SHANK2: variants seen among roughly 807,000 people sequenced by gnomAD.
The protein encoded by SHANK2 is SH3 and multiple ankyrin repeat domains protein 2.
A neutral mutation model predicts 133.7 loss-of-function variants in SHANK2; 43 were observed. The observed-to-expected ratio is 0.32, with a 90% confidence interval of 0.25 to 0.41. The LOEUF is 0.41. Ranked by LOEUF, SHANK2 falls within the 10% of genes least tolerant of loss-of-function variation. SHANK2 has a pLI of 1.00. For missense variants in SHANK2, 1,994 were observed against 2,235.8 expected, an observed-to-expected ratio of 0.89 and a Z score of 2.18; for synonymous variants, 1,017 against 952.8, an observed-to-expected ratio of 1.07 and a Z score of -1.24.
At chr11:70,566,796 A>G (rs898445427) in intron 17 of SHANK2, among the ~76,000 whole-genome samples, 2 of 152,202 alleles carry the variant, frequency 1.3e-5, no homozygotes, top group Non-Finnish European at 2.9e-5. Context: ...CATCATAACC[A>G]CTTAGCAATC....
chr11:70,571,067 C>A (rs989171610), intron 17 of SHANK2, among the ~76,000 whole-genome samples: 3 of 152,136 alleles, frequency 2.0e-5, no homozygotes, highest in Non-Finnish European at 4.4e-5. Flanking sequence ...GTCCTGGAGG[C>A]GGATTCTAGG....
chr11:70,586,553 C>T (rs534737970), intron 17 of SHANK2, among the ~76,000 whole-genome samples: 11 of 152,318 alleles, frequency 7.2e-5, no homozygotes, highest in East Asian at 3.9e-4. Context: ...AAGCTAACTC[C>T]GAGGCGGCCC....
chr11:70,846,584 A>G (rs868935388), intron 11 of SHANK2, among the ~76,000 whole-genome samples: 32 of 152,274 alleles, frequency 2.1e-4, no homozygotes, highest in Admixed American at 1.6e-3. Flanking sequence ...CAAGGATGAC[A>G]CTGGGAAGCA....
intron 2 of SHANK2, among the ~76,000 whole-genome samples, chr11:71,198,231 G>A (rs1953947786): frequency 1.3e-5 from 2 of 152,226 alleles, no homozygotes; most frequent in East Asian, 3.9e-4. Context: ...CTGCAGACAT[G>A]AGCCACTGTA....
chr11:70,713,357 TAAG>T (rs1303569770), intron 14 of SHANK2, among the ~76,000 whole-genome samples: 1 of 152,262 alleles, frequency 6.6e-6, no homozygotes, highest in Middle Eastern at 3.2e-3. Flanking sequence ...TGAAGCACCT[TAAG>T]AAGAACACGG....
In SHANK2 at chr11:70,659,920, G is replaced by A. The variant is rs1555012816; in HGVS notation, c.1969C>T (p.Pro657Ser). ...DTPIEEFTPT[P>S]AFPALQYLES... ...AGGTACTGTAGGGCTGGGAAAGCCGGTGTTGGTGTGAATTCTTCAATGGGT... is the reference window on the plus strand; with the variant it reads ...AGGTACTGTAGGGCTGGGAAAGCCGATGTTGGTGTGAATTCTTCAATGGGT... The change falls in exon 17 of 26, where the codon CCG becomes TCG. Residue 657 changes from proline to serine, a missense_variant. Physicochemically the swap from Pro to Ser is moderately conservative, Grantham distance 74. Around this residue, in one of 5 missense-constraint regions of SHANK2, gnomAD observed 488 missense variants for 642.6 expected, o/e 0.76. Transcript: ENST00000601538. 3.7e-6 allele frequency: 6 copies of A among 1,614,096 alleles called. No individual in the cohort carries two copies. In the African/African-American group the frequency reaches 8.0e-5, roughly 22 times the overall value.
At position 70,684,550 on chromosome 11, in the gene SHANK2, A is replaced by T. The variant is rs147175198; in HGVS notation, c.1853+14138T>A. Among the ~76,000 whole-genome samples the T allele has an allele frequency of 5.7e-3, 872 of 151,982 alleles. 7 individuals are homozygous for T. Among genetic ancestry groups the T allele is most frequent in the African/African-American group, 0.02 (830 of 41,428 alleles). On this transcript the variant is annotated intron_variant, in intron 15 of 25. Transcript: ENST00000601538. ...GCTCCAGCCTGGGCGACAGAGGGAA[A>T]CCCTGTCTCTTAGCCCCCTACCCCC...
At chr11:70,883,674 C>T (rs2135589413) in intron 11 of SHANK2, among the ~76,000 whole-genome samples, 1 of 152,294 alleles carries the variant, frequency 6.6e-6, no homozygotes, top group East Asian at 1.9e-4. Context: ...CCGGGAAAGC[C>T]CCCAGGGTGC....
At chr11:70,894,280 C>T (rs1485584000) in intron 11 of SHANK2, among the ~76,000 whole-genome samples, 12 of 152,012 alleles carry the variant, frequency 7.9e-5, no homozygotes, top group African/African-American at 2.4e-4. Context: ...CTCTGCCTCC[C>T]GGGTTCAAGC....
Position 71,233,545 on chromosome 11 carries a change from G to A in SHANK2, c.-112-8749C>T, listed in dbSNP as rs565429015. On this transcript the variant is annotated intron_variant, in intron 1 of 25. Coordinates refer to ENST00000601538, the MANE Select transcript of SHANK2 (RefSeq NM_012309.5). Reference sequence around the variant, plus strand: ...GGGGGAATAAACATGTTCCTAAATCGACTCCGATGGTTGCACAATCTCCCT... The same window carrying A: ...GGGGGAATAAACATGTTCCTAAATCAACTCCGATGGTTGCACAATCTCCCT... Among the ~76,000 whole-genome samples, 4 of 152,258 alleles carry A rather than the reference G, an allele frequency of 2.6e-5. No individual in the cohort carries two copies. In the East Asian group the frequency reaches 5.8e-4, roughly 22 times the overall value.
At chr11:70,746,203 C>A (rs1006273949) in intron 14 of SHANK2, among the ~76,000 whole-genome samples, 1 of 152,236 alleles carries the variant, frequency 6.6e-6, no homozygotes, top group Non-Finnish European at 1.5e-5. Flanking sequence ...GGCTGGGTAG[C>A]GTGCCCAGCC....
chr11:71,084,347 G>A (rs1951348923), intron 8 of SHANK2, among the ~76,000 whole-genome samples: 1 of 152,184 alleles, frequency 6.6e-6, no homozygotes, highest in Non-Finnish European at 1.5e-5. Context: ...CTGTGGGGAT[G>A]GGGCATATCC....
intron 17 of SHANK2, among the ~76,000 whole-genome samples, chr11:70,559,747 C>T (rs1239046270): frequency 1.3e-5 from 2 of 152,124 alleles, no homozygotes; most frequent in Non-Finnish European, 2.9e-5. Flanking sequence ...GAAGACGGTG[C>T]GCCCTGCCCA....
chr11:71,086,670 C>A lies in SHANK2; in HGVS notation c.912+5752G>T, dbSNP rs1339086136. Among the ~76,000 whole-genome samples, 7 of 151,444 alleles carry A rather than the reference C, an allele frequency of 4.6e-5. No individual in the cohort carries two copies. In the East Asian group the frequency reaches 1.4e-3, roughly 29 times the overall value. The stretch of plus-strand genomic sequence containing the variant: ...GAGGTCCCCTGAGAAGGATGAGATC[C>A]TGCTAGAGATGGACTTGAGACCCGC... On this transcript the variant is annotated intron_variant, in intron 8 of 25. Coordinates refer to ENST00000601538, the MANE Select transcript of SHANK2 (RefSeq NM_012309.5).
At chr11:70,505,201 C>T (rs144985292) in intron 17 of SHANK2, among the ~76,000 whole-genome samples, 70 of 152,164 alleles carry the variant, frequency 4.6e-4, no homozygotes, top group African/African-American at 1.3e-3. Flanking sequence ...GGCAAGGAAG[C>T]GGTAGGCAGG....
At chr11:70,952,783 T>TCGCCACG (rs1342347473) in intron 10 of SHANK2, 1 of 456,762 alleles carries the variant, frequency 2.2e-6, no homozygotes, top group Non-Finnish European at 4.6e-6. Context: ...GTGTGGGAAC[T>TCGCCACG]GACACCCACC....
chr11:71,220,969 GGC>G (rs1954524259), intron 2 of SHANK2, among the ~76,000 whole-genome samples: 2 of 152,162 alleles, frequency 1.3e-5, no homozygotes, highest in African/African-American at 4.8e-5. Context: ...GGGAGGCTGA[GGC>G]AGGTGGATCA....
chr11:71,166,794 T>C (rs1555110954), intron 2 of SHANK2, among the ~76,000 whole-genome samples: 1 of 151,504 alleles, frequency 6.6e-6, no homozygotes, highest in Non-Finnish European at 1.5e-5. Context: ...ACACTTCTTT[T>C]TTTTTTTTTT....
At chr11:70,919,406 G>A (rs1355204266) in intron 10 of SHANK2, among the ~76,000 whole-genome samples, 16 of 149,494 alleles carry the variant, frequency 1.1e-4, no homozygotes, top group African/African-American at 3.7e-4. Context: ...TTTTGAGACC[G>A]AGTCTCACTC....
Sources: gnomAD v4.1 joint callset for allele counts (sites outside exome capture counted in the v4.1 genomes callset) on GRCh38, gnomAD v4.1.1 for gene constraint, gnomAD v4.1.1 regional missense constraint, MANE v1.5 for transcripts, NCBI Gene and HGNC (gene_info 2026-07-23, HGNC 2026-07-21) for gene names.